Variants in GAREM1 observed in about 807,000 individuals in gnomAD.
The protein encoded by GAREM1 is GRB2-associated and regulator of MAPK protein 1.
A neutral mutation model predicts 71.3 loss-of-function variants in GAREM1; 26 were observed. The observed-to-expected ratio is 0.36, with a 90% CI of 0.27 to 0.51. The LOEUF is 0.51. Ranked by LOEUF, GAREM1 falls within the 20% of genes least tolerant of loss-of-function variation. GAREM1 has a pLI of 0.95. For missense variants in GAREM1, 1,026 were observed against 1,103.1 expected (o/e 0.93, Z 0.99); for synonymous variants, 440 against 433.2 (o/e 1.02, Z -0.20).
At chr18:32,368,023 C>T (rs1473723956) in intron 2 of GAREM1, among the ~76,000 whole-genome samples, 1 of 152,164 alleles carries the variant, frequency 6.6e-6, no homozygotes, top group East Asian at 1.9e-4. Context: ...CATTCCTATC[C>T]GTGCTTACCC....
At chr18:32,465,737 TG>T (rs1211183437) in intron 1 of GAREM1, among the ~76,000 whole-genome samples, 1 of 152,206 alleles carries the variant, frequency 6.6e-6, no homozygotes, top group East Asian at 1.9e-4. Context: ...TCATCACAAC[TG>T]TAAAGGAATC....
chr18:32,442,376 G>A (rs771176652), intron 1 of GAREM1, among the ~76,000 whole-genome samples: 17 of 151,956 alleles, frequency 1.1e-4, no homozygotes, highest in South Asian at 2.1e-4. Flanking sequence ...CTTTTTACTC[G>A]GCATGTGATA....
chr18:32,393,127 A>G (rs1567992892), intron 1 of GAREM1, 92 bp from the exon 2 acceptor site: 2 of 1,259,994 alleles, frequency 1.6e-6, no homozygotes, highest in East Asian at 2.5e-5. Context: ...AAACTTGACT[A>G]ATGCAGAAGT....
rs1568024708 is a variant in GAREM1 at position 32,470,695 on chromosome 18, G to A, written c.-267C>T. 6.7e-6 allele frequency among the ~76,000 whole-genome samples: 1 copy of A among 149,644 alleles called. No individual in the cohort carries two copies. The highest frequency in any genetic ancestry group is 2.0e-4 in the East Asian group (1 of 5,100). On this transcript the variant is annotated 5_prime_UTR_variant, in exon 1 of 6. Transcript: ENST00000269209. The surrounding 1 kb of genome is among the most constrained non-coding windows in gnomAD (Gnocchi z 4.4). ...AGACTCAGAGCAGCCGCGCGGCTGC[G>A]GGCGGCGGCGGCGGCCCGGGTGGCT...
At chr18:32,429,298 A>G (rs968177) in intron 1 of GAREM1, among the ~76,000 whole-genome samples, 32,911 of 152,104 alleles carry the variant, frequency 0.22, 4,201 homozygotes, top group East Asian at 0.38. Context: ...AATCATTTTA[A>G]TAATTTTGGA....
intron 1 of GAREM1, among the ~76,000 whole-genome samples, chr18:32,468,973 C>G (rs995423369): frequency 3.0e-5 from 4 of 133,348 alleles, no homozygotes; most frequent in African/African-American, 1.1e-4. Context: ...CCCCCCCCCG[C>G]CCCCACCCCA....
At chr18:32,321,132 T>A (rs1264340853) in intron 2 of GAREM1, among the ~76,000 whole-genome samples, 1 of 152,232 alleles carries the variant, frequency 6.6e-6, no homozygotes, top group East Asian at 1.9e-4. Context: ...CTCAAGAACC[T>A]AAGTGTTCCA....
rs185491325 is a variant in GAREM1, at chr18:32,462,412, C to T, written c.121+7896G>A. ...ATATACCTATAAGCCATTTGTATGT[C>T]TTCTTTTGAGAAATGCCTATTAAGG... On this transcript the variant is annotated intron_variant, in intron 1 of 5. Coordinates refer to ENST00000269209, the MANE Select transcript of GAREM1 (RefSeq NM_001242409.2). 6.8e-4 allele frequency among the ~76,000 whole-genome samples: 104 copies of T among 152,178 alleles called. 1 individual carries two copies. The highest frequency in any genetic ancestry group is 2.4e-3 in the African/African-American group (100 of 41,502).
rs376562453 is a variant in GAREM1 at position 32,270,332 on chromosome 18, C to A, written c.1618G>T (p.Ala540Ser). ...GAGGGACTGGTGGACAAAGGCTTTGCGCTTCGGGGTGGAACAGGTGGGGCG... is the reference window on the plus strand; with the variant it reads ...GAGGGACTGGTGGACAAAGGCTTTGAGCTTCGGGGTGGAACAGGTGGGGCG... ...LNAPPVPPRS[A>S]KPLSTSPSIP... Residue 540 changes from alanine (A) to serine (S), a missense_variant, in exon 5 of 6, where the codon GCA (alanine) becomes TCA (serine). Ala to Ser is a moderately conservative substitution (Grantham distance 99, BLOSUM62 1). This residue lies in a region of GAREM1 where 636 missense variants were observed against 631.2 expected (regional missense o/e 1.01). Coordinates refer to ENST00000269209, the MANE Select transcript of GAREM1 (RefSeq NM_001242409.2). 57 of 1,613,798 alleles carry A rather than the reference C, an allele frequency of 3.5e-5. No individual in the cohort carries two copies. The highest frequency in any genetic ancestry group is 3.3e-4 in the Middle Eastern group (2 of 6,044).
At chr18:32,322,441 C>G (rs762904920) in intron 2 of GAREM1, among the ~76,000 whole-genome samples, 3 of 152,210 alleles carry the variant, frequency 2.0e-5, no homozygotes, top group Non-Finnish European at 2.9e-5. Flanking sequence ...TTTCACCAAT[C>G]TATTTATTTT....
chr18:32,299,603 G>T (rs2047180436), intron 3 of GAREM1, among the ~76,000 whole-genome samples: 1 of 151,184 alleles, frequency 6.6e-6, no homozygotes, highest in South Asian at 2.1e-4. Flanking sequence ...CAAAATTCAG[G>T]TTGCATAGGA....
In GAREM1 at chr18:32,268,290, C is replaced by T. The variant is rs371716218; in HGVS notation, c.2212G>A (p.Ala738Thr). ...RAPKLVEEKV[A>T]SETSPLPLKI... ...AGAGGCAAAGGAGATGTTTCGGAGG[C>T]GACCTTCTCTTCCACTAGTTTTGGA... Residue 738 changes from alanine (A) to threonine (T), a missense_variant, in exon 6 of 6, where the codon GCC becomes ACC. Ala to Thr is a moderately conservative substitution (Grantham distance 58). This residue lies in a region of GAREM1 where 636 missense variants were observed against 631.2 expected (regional missense o/e 1.01). Coordinates refer to ENST00000269209, the MANE Select transcript of GAREM1 (RefSeq NM_001242409.2). The T allele has an allele frequency of 2.1e-5, 34 of 1,614,088 alleles. No individual in the cohort carries two copies. Among genetic ancestry groups the T allele is most frequent in the East Asian group, 2.0e-4 (9 of 44,880 alleles).
chr18:32,466,552 G>A (rs1247388659), intron 1 of GAREM1, among the ~76,000 whole-genome samples: 1 of 152,110 alleles, frequency 6.6e-6, no homozygotes, highest in Non-Finnish European at 1.5e-5. Context: ...CTTTTAGGAG[G>A]CATAGAAGCA....
At chr18:32,303,441 T>C (rs889322850) in intron 3 of GAREM1, among the ~76,000 whole-genome samples, 2 of 152,186 alleles carry the variant, frequency 1.3e-5, no homozygotes, top group African/African-American at 2.4e-5. Flanking sequence ...CGGGGAAAAT[T>C]TTCTCATCTT....
chr18:32,329,589 C>T (rs1235946748), intron 2 of GAREM1, among the ~76,000 whole-genome samples: 1 of 151,302 alleles, frequency 6.6e-6, no homozygotes, highest in African/African-American at 2.4e-5. Context: ...GCCTGTAGTC[C>T]CAGCTACTCG....
At chr18:32,308,186 A>G (rs2047275556) in intron 3 of GAREM1, among the ~76,000 whole-genome samples, 1 of 151,450 alleles carries the variant, frequency 6.6e-6, no homozygotes, top group African/African-American at 2.4e-5. Flanking sequence ...TCACACACTT[A>G]ACTGAGCCTT....
intron 4 of GAREM1, among the ~76,000 whole-genome samples, chr18:32,281,864 CA>C (rs2144447165): frequency 6.6e-6 from 1 of 152,098 alleles, no homozygotes; most frequent in South Asian, 2.1e-4. Context: ...CGAAGAATCA[CA>C]AAAGAAGTGA....
At chr18:32,286,779 G>T (rs1029628100) in intron 4 of GAREM1, among the ~76,000 whole-genome samples, 1 of 151,930 alleles carries the variant, frequency 6.6e-6, no homozygotes, top group Non-Finnish European at 1.5e-5. Context: ...TCCATTCTCC[G>T]GGCAGCAGCA....
intron 1 of GAREM1, among the ~76,000 whole-genome samples, chr18:32,440,155 A>G (rs1478366156): frequency 6.6e-6 from 1 of 152,220 alleles, no homozygotes; most frequent in Non-Finnish European, 1.5e-5. Flanking sequence ...CAGTACATCA[A>G]GCAATGTTTT....
Sources: allele counts gnomAD v4.1 joint callset (sites outside exome capture counted in the v4.1 genomes callset), GRCh38; gene constraint gnomAD v4.1.1; regional missense constraint gnomAD v4.1.1; non-coding constraint Gnocchi (gnomAD v3.1); transcripts MANE v1.5; gene names NCBI Gene and HGNC (gene_info 2026-07-23, HGNC 2026-07-21).